Variants in FGF22 observed in about 807,000 individuals in gnomAD.
FGF22 encodes the protein fibroblast growth factor 22.
FGF22 carries 11 observed loss-of-function variants against 10.3 expected under a neutral mutation model. The ratio of observed to expected loss-of-function variants is 1.07; its 90% CI spans 0.67 to 1.77. FGF22 has a LOEUF of 1.77. Ranked by LOEUF, FGF22 falls within the 40% of genes most tolerant of loss-of-function variation. The pLI is 0.00. For missense variants in FGF22, 317 were observed against 273.2 expected (o/e 1.16, Z -1.13); for synonymous variants, 136 against 122.1 (o/e 1.11, Z -0.75).
At chr19:641,756 T>C (rs1236038887) in intron 1 of FGF22, among the ~76,000 whole-genome samples, 1 of 152,016 alleles carries the variant, frequency 6.6e-6, no homozygotes, top group Non-Finnish European at 1.5e-5. Flanking sequence ...GACGTTCCTG[T>C]GTGTCCTGGA....
At chr19:639,903 C>A in exon 1 of FGF22, 2 of 1,203,598 alleles carry the variant, frequency 1.7e-6, no homozygotes, top group Admixed American at 4.4e-5. Flanking sequence ...GCGACGAGCG[C>A]GCAGCGAACC....
chr19:642,444 G>A (rs1348246885), intron 1 of FGF22, among the ~76,000 whole-genome samples: 1 of 122,430 alleles, frequency 8.2e-6, no homozygotes, highest in Admixed American at 7.8e-5. Context: ...GGGTCTCTGG[G>A]GTGGTGTGAG....
intron 1 of FGF22, 63 bp from the exon 2 acceptor site, chr19:643,172 A>G (rs1985962976): frequency 3.4e-6 from 2 of 594,220 alleles, no homozygotes; most frequent in African/African-American, 5.5e-5. Flanking sequence ...CACGAAGCAC[A>G]GCGGACAGCA....
chr19:643,760 C>T, exon 3 of FGF22: 1 of 658,030 alleles, frequency 1.5e-6, no homozygotes, highest in East Asian at 2.8e-5. Flanking sequence ...GGGGTCCCAG[C>T]CTGAGGGGGT....
At chr19:643,261 G>T in exon 2 of FGF22, 1 of 1,611,842 alleles carries the variant, frequency 6.2e-7, no homozygotes, top group South Asian at 1.1e-5. Flanking sequence ...CTCTGTACAC[G>T]TGGGCGTCGT....
At chr19:643,635 G>A in exon 3 of FGF22, 1 of 1,471,412 alleles carries the variant, frequency 6.8e-7, no homozygotes, top group South Asian at 1.3e-5. Flanking sequence ...TCCCCAAGGT[G>A]CCTGGGCTGG....
intron 1 of FGF22, among the ~76,000 whole-genome samples, chr19:642,270 C>G (rs1169119448): frequency 2.7e-4 from 15 of 56,340 alleles, no homozygotes; most frequent in Admixed American, 5.7e-4. Flanking sequence ...GGGCTGGGGG[C>G]TCCATATGGG....
rs1415430004 is a variant in FGF22 at position 642,259 on chromosome 19, C to T, written c.215-976C>T. On this transcript the variant is annotated intron_variant, in intron 1 of 2. Transcript: ENST00000215530. ...ATGGGGTGGTGTGAGCTGTGAGGGC[C>T]GGGCTGGGGGCTCCATATGGGGTGG... is the stretch of plus-strand genomic sequence containing the variant. Among the ~76,000 whole-genome samples, 133 of 88,196 alleles carry T rather than the reference C, an allele frequency of 1.5e-3. 11 individuals are homozygous for T. The highest frequency in any genetic ancestry group is 5.7e-3 in the African/African-American group (130 of 22,628). 57.9% of individuals were successfully genotyped at this position (88,196 alleles called of 152,430 possible). A position where few individuals can be genotyped will look rare whatever the true frequency, so the allele number is the denominator to read the frequency against.
chr19:641,441 G>A (rs1250480368), intron 1 of FGF22: 1 of 359,512 alleles, frequency 2.8e-6, no homozygotes, highest in Non-Finnish European at 5.6e-6. Context: ...CGGGTGTGGT[G>A]GCGGGCGCCT....
chr19:641,448 G>A (rs571705922), intron 1 of FGF22: 32 of 356,906 alleles, frequency 9.0e-5, no homozygotes, highest in Admixed American at 1.7e-4. Flanking sequence ...GGTGGCGGGC[G>A]CCTGTAGTCC....
At chr19:640,263 TCA>T (rs1705887015) in intron 1 of FGF22, 124 bp downstream of exon 1, 1 of 575,856 alleles carries the variant, frequency 1.7e-6, no homozygotes, top group Non-Finnish European at 2.6e-6. Flanking sequence ...AGCCTCGGCC[TCA>T]GTTTCCGTGG....
intron 1 of FGF22, chr19:640,519 G>T: frequency 5.6e-6 from 1 of 178,458 alleles, no homozygotes; most frequent in Non-Finnish European, 1.2e-5. Context: ...AGGGCTGCCT[G>T]AGTCGGGGCC....
intron 1 of FGF22, among the ~76,000 whole-genome samples, chr19:642,116 G>A (rs972121770): frequency 2.0e-5 from 3 of 152,148 alleles, no homozygotes; most frequent in African/African-American, 4.8e-5. Context: ...ATAAACCACC[G>A]GTGTCCCACT....
exon 3 of FGF22, chr19:643,601 C>T (rs747253429): frequency 1.4e-4 from 212 of 1,523,566 alleles, no homozygotes; most frequent in Non-Finnish European, 1.8e-4. Context: ...TCCTGGTCTC[C>T]TGAGGCCCTG....
chr19:641,881 C>G (rs980985580), intron 1 of FGF22, among the ~76,000 whole-genome samples: 1 of 152,056 alleles, frequency 6.6e-6, no homozygotes, highest in Non-Finnish European at 1.5e-5. Context: ...CCGGGGTGAG[C>G]GAGTGTGGGT....
intron 1 of FGF22, among the ~76,000 whole-genome samples, chr19:642,846 C>G (rs11572876): frequency 0.02 from 2,961 of 151,628 alleles, 106 homozygotes; most frequent in African/African-American, 0.066. Context: ...TTGCTGCCCC[C>G]CTGACGTCCG....
chr19:643,880 C>T, exon 3 of FGF22: 1 of 342,190 alleles, frequency 2.9e-6, no homozygotes, highest in African/African-American at 2.3e-5. Context: ...ACGTCCCAGG[C>T]AGGGCCCGGC....
intron 1 of FGF22, among the ~76,000 whole-genome samples, chr19:641,742 C>T (rs1455905238): frequency 6.6e-6 from 1 of 152,124 alleles, no homozygotes; most frequent in Non-Finnish European, 1.5e-5. Flanking sequence ...ACAACCACCT[C>T]AAAGACGTTC....
chr19:643,983 A>C (rs2144746554), exon 3 of FGF22: 1 of 295,790 alleles, frequency 3.4e-6, no homozygotes, highest in African/African-American at 2.2e-5. Flanking sequence ...CAGACGCCGC[A>C]GAACACCAGC....
Sources: allele counts gnomAD v4.1 joint callset (sites outside exome capture counted in the v4.1 genomes callset), GRCh38; gene constraint gnomAD v4.1.1; transcripts MANE v1.5; gene names NCBI Gene and HGNC (gene_info 2026-07-23, HGNC 2026-07-21).